The following AAK1 variants were observed in gnomAD, a reference collection of about 807,000 sequenced individuals.
The protein encoded by AAK1 is AP2-associated protein kinase 1.
A neutral mutation model predicts 116.0 loss-of-function variants in AAK1; 37 were observed. The ratio of observed to expected loss-of-function variants is 0.32; its 90% confidence interval spans 0.25 to 0.42. AAK1 has a LOEUF of 0.42. Ranked by LOEUF, AAK1 falls within the 10% of genes least tolerant of loss-of-function variation. The probability of loss-of-function intolerance (pLI) is 1.00; values close to 1 mark genes in which losing one functional copy is unlikely to be tolerated. For synonymous variants in AAK1, 458 were observed against 439.9 expected, an observed-to-expected ratio of 1.04 and a Z score of -0.51; for missense variants, 919 against 1,170.6, an observed-to-expected ratio of 0.79 and a Z score of 3.14.
chr2:69,470,168 C>T lies in AAK1; in HGVS notation c.*5701G>A, dbSNP rs1218644554. The T allele has an allele frequency of 3.0e-6, 3 of 985,258 alleles. No homozygotes were observed. In the Admixed American group the frequency reaches 1.8e-4, roughly 61 times the overall value. The allele number at this position is 985,258 out of a possible 1,614,324, so 61.0% of individuals were successfully genotyped here. A position where few individuals can be genotyped will look rare whatever the true frequency, so the allele number is the denominator to read the frequency against. ...ACAACACCAGAAGTTTACTTTTCCT[C>T]ATACCAAAAACTGAAAGAACGGTTA... On this transcript the variant is annotated 3_prime_UTR_variant, in exon 22 of 22. Transcript: ENST00000409085.
chr2:69,564,779 A>T (rs552540852), intron 2 of AAK1, among the ~76,000 whole-genome samples: 1 of 152,222 alleles, frequency 6.6e-6, no homozygotes, highest in African/African-American at 2.4e-5. Flanking sequence ...ACGTGATTGT[A>T]TCAACCAGCC....
intron 6 of AAK1, 32 bp downstream of exon 6, chr2:69,532,009 G>A: frequency 6.2e-7 from 1 of 1,610,574 alleles, no homozygotes; most frequent in Non-Finnish European, 8.5e-7. Flanking sequence ...TCTGATTGTG[G>A]ACAAAACTCC....
At position 69,471,417 on chromosome 2, in the gene AAK1, C is replaced by CT; in HGVS notation, c.*4451dup. The stretch of plus-strand genomic sequence containing the variant: ...ATTACTAATGTGGAAAAAGAAAAGG[C>CT]TGACTTTGTGTTGATAAAATTATAG... On this transcript the variant is annotated 3_prime_UTR_variant, in exon 22 of 22. Transcript: ENST00000409085. 1 of 985,450 alleles carries CT rather than the reference C, an allele frequency of 1.0e-6. No homozygotes were observed. Among genetic ancestry groups the CT allele is most frequent in the Non-Finnish European group, 1.2e-6 (1 of 829,934 alleles). The allele number at this position is 985,450 out of a possible 1,614,324, so 61.0% of individuals were successfully genotyped here. A position where few individuals can be genotyped will look rare whatever the true frequency, so the allele number is the denominator to read the frequency against.
At chr2:69,525,180 C>T (rs1669971459) in intron 9 of AAK1, 68 bp from the exon 10 acceptor site, 1 of 1,502,822 alleles carries the variant, frequency 6.7e-7, no homozygotes, top group East Asian at 2.3e-5. Flanking sequence ...AAAGAATAAG[C>T]AGCCTGACTG....
intron 6 of AAK1, 124 bp from the exon 7 acceptor site, chr2:69,530,830 G>A (rs1041318174): frequency 5.9e-6 from 4 of 676,812 alleles, no homozygotes; most frequent in South Asian, 1.9e-5. Flanking sequence ...GCAGAAGAGA[G>A]TATGAAATAT....
chr2:69,572,222 T>C (rs985081291), intron 2 of AAK1, among the ~76,000 whole-genome samples: 25 of 152,274 alleles, frequency 1.6e-4, no homozygotes, highest in African/African-American at 5.8e-4. Flanking sequence ...GAATTACTGA[T>C]TTTTTCTTGG....
intron 16 of AAK1, among the ~76,000 whole-genome samples, chr2:69,502,761 C>A (rs1297366757): frequency 1.3e-5 from 2 of 152,168 alleles, no homozygotes; most frequent in African/African-American, 4.8e-5. Context: ...CTTTCTTGGA[C>A]TACAACTTGA....
rs1674590996 is a variant in AAK1 at position 69,469,125 on chromosome 2, G to C, written c.*6744C>G. 1 of 985,292 alleles carries C rather than the reference G, an allele frequency of 1.0e-6. No individual in the cohort carries two copies. The highest frequency in any genetic ancestry group is 6.2e-5 in the Admixed American group (1 of 16,258). 61.0% of individuals were successfully genotyped at this position (985,292 alleles called of 1,614,324 possible). On this transcript the variant is annotated 3_prime_UTR_variant, in exon 22 of 22. Coordinates refer to ENST00000409085, the MANE Select transcript of AAK1 (RefSeq NM_014911.5). ...AAGTACATTTAAAGGGTTGTCCTGAGAAGGCCAAGTCCCTTAACCTTTCTA... is the reference window on the plus strand; with the variant it reads ...AAGTACATTTAAAGGGTTGTCCTGACAAGGCCAAGTCCCTTAACCTTTCTA...
chr2:69,614,023 G>A (rs879307935), intron 2 of AAK1, among the ~76,000 whole-genome samples: 2 of 152,134 alleles, frequency 1.3e-5, no homozygotes, highest in Non-Finnish European at 2.9e-5. Flanking sequence ...ACACCCAAAC[G>A]GTGTCTAGGA....
chr2:69,605,481 T>C (rs1038732249), intron 2 of AAK1, among the ~76,000 whole-genome samples: 1 of 152,164 alleles, frequency 6.6e-6, no homozygotes, highest in Non-Finnish European at 1.5e-5. Context: ...GTTGCGAAAA[T>C]AGTGCAGAGG....
rs772625749 is a variant in AAK1, at chr2:69,509,421, T to G, written c.1816A>C (p.Thr606Pro). ...PVRQQPKVQT[T>P]PPPAVQGQKV... ...TGCCCCTGGACGGCAGGAGGTGGGG[T>G]TGTCTGAACCTTTGGCTGTTGTCTT... is the stretch of plus-strand genomic sequence containing the variant. Residue 606 changes from threonine (T) to proline (P), a missense_variant, in exon 14 of 22, where the codon ACC becomes CCC. Around this residue, in one of 4 missense-constraint regions of AAK1, gnomAD observed 125 missense variants for 184.1 expected, o/e 0.68. Coordinates refer to ENST00000409085, the MANE Select transcript of AAK1 (RefSeq NM_014911.5). 1 of 1,613,556 alleles carries G rather than the reference T, an allele frequency of 6.2e-7. No homozygotes were observed. Among genetic ancestry groups the G allele is most frequent in the African/African-American group, 1.3e-5 (1 of 74,778 alleles).
rs76588841 is a variant in AAK1, at chr2:69,552,209, G to A, written c.282+4651C>T. ...AAACTTATTTAGCTACAGTAATCAAGGCTGTGTGGTATTGGTAGAAGGATA... is the reference window on the plus strand; with the variant it reads ...AAACTTATTTAGCTACAGTAATCAAAGCTGTGTGGTATTGGTAGAAGGATA... On this transcript the variant is annotated intron_variant, in intron 3 of 21. Coordinates refer to ENST00000409085, the MANE Select transcript of AAK1 (RefSeq NM_014911.5). 6.6e-3 allele frequency among the ~76,000 whole-genome samples: 998 copies of A among 152,238 alleles called. 22 individuals carry two copies. The highest frequency in any genetic ancestry group is 0.013 in the East Asian group (66 of 5,188).
chr2:69,556,887 C>T lies in AAK1; in HGVS notation c.255G>A (p.Gln85=). The T allele has an allele frequency of 6.2e-7, 1 of 1,613,904 alleles. No individual in the cohort carries two copies. Among genetic ancestry groups the T allele is most frequent in the Non-Finnish European group, 8.5e-7 (1 of 1,179,804 alleles). Reference sequence around the variant, plus strand: ...TTATCTGGATTTCTCTCTTGCACACCTGGAGATCATGCTCATTGTTGACAA... The same window carrying T: ...TTATCTGGATTTCTCTCTTGCACACTTGGAGATCATGCTCATTGTTGACAA... ...RMFVNNEHDL[Q]VCKREIQIMR... is the part of the protein sequence containing the mutation. Residue 85 remains glutamine, a synonymous_variant, in exon 3 of 22, where the codon CAG becomes CAA. Transcript: ENST00000409085.
chr2:69,627,440 G>A (rs1040931661), intron 2 of AAK1, among the ~76,000 whole-genome samples: 22 of 152,118 alleles, frequency 1.4e-4, no homozygotes, highest in African/African-American at 5.3e-4. Flanking sequence ...GGGCGGTAAA[G>A]GACAGCCTCT....
At chr2:69,543,879 G>GT (rs1273287029) in intron 4 of AAK1, among the ~76,000 whole-genome samples, 2 of 152,136 alleles carry the variant, frequency 1.3e-5, no homozygotes, top group East Asian at 1.9e-4. Context: ...CAAGATAAAT[G>GT]TTTTTTTGAA....
At chr2:69,530,172 T>C (rs1236099372) in intron 7 of AAK1, 32 bp from the exon 8 acceptor site, 23 of 1,587,966 alleles carry the variant, frequency 1.4e-5, no homozygotes, top group Non-Finnish European at 2.0e-5. Flanking sequence ...TTGCTACTAG[T>C]GGCTTATTTA....
chr2:69,480,629 CCA>C (rs1675049868), intron 19 of AAK1, among the ~76,000 whole-genome samples: 1 of 151,960 alleles, frequency 6.6e-6, no homozygotes, highest in South Asian at 2.1e-4. Context: ...CAGAGAAAGC[CCA>C]GAGATCACTC....
chr2:69,527,848 G>A (rs1176356562), intron 8 of AAK1, among the ~76,000 whole-genome samples: 2 of 152,128 alleles, frequency 1.3e-5, no homozygotes, highest in Non-Finnish European at 2.9e-5. Context: ...TCTATTTCCA[G>A]GTCCTTTAAG....
intron 15 of AAK1, among the ~76,000 whole-genome samples, chr2:69,506,579 G>T (rs1485167431): frequency 6.6e-6 from 1 of 152,082 alleles, no homozygotes; most frequent in Admixed American, 6.6e-5. Context: ...TGCCCAGGCT[G>T]GTCTTGAACT....
Sources: allele counts gnomAD v4.1 joint callset (sites outside exome capture counted in the v4.1 genomes callset), GRCh38; gene constraint gnomAD v4.1.1; regional missense constraint gnomAD v4.1.1; transcripts MANE v1.5; gene names NCBI Gene and HGNC (gene_info 2026-07-23, HGNC 2026-07-21).